Variants in ARHGAP6 observed in about 807,000 individuals in gnomAD.
ARHGAP6 encodes rho GTPase-activating protein 6.
In ARHGAP6, 16 loss-of-function variants were observed where a neutral mutation model predicts 55.7. The ratio of observed to expected loss-of-function variants is 0.29; its 90% CI spans 0.19 to 0.44. ARHGAP6 has a LOEUF of 0.44. ARHGAP6 is among the 20% of genes least tolerant of loss of function. The pLI, the probability that ARHGAP6 is intolerant of heterozygous loss-of-function variation, is 1.00. For missense variants in ARHGAP6, 698 were observed against 808.9 expected, an observed-to-expected ratio of 0.86 and a Z score of 1.66; for synonymous variants, 382 against 360.9, an observed-to-expected ratio of 1.06 and a Z score of -0.66.
intron 1 of ARHGAP6, among the ~76,000 whole-genome samples, chrX:11,496,572 T>C (rs2050624548): frequency 9.0e-6 from 1 of 110,521 alleles, no homozygotes; most frequent in Middle Eastern, 4.7e-3. Context: ...TATTTTGAAC[T>C]AGAAAAAAAA....
chrX:11,457,833 A>G (rs749399387), intron 1 of ARHGAP6, among the ~76,000 whole-genome samples: 1 of 111,827 alleles, frequency 8.9e-6, no homozygotes, highest in East Asian at 2.8e-4. Flanking sequence ...ATTTAGCCCC[A>G]CTTTCCCACA....
chrX:11,222,444 C>T (rs1357830367), intron 2 of ARHGAP6, among the ~76,000 whole-genome samples: 1 of 111,572 alleles, frequency 9.0e-6, no homozygotes, highest in African/African-American at 3.3e-5. Context: ...TATTATGGTG[C>T]AGATCTTTTA....
intron 1 of ARHGAP6, among the ~76,000 whole-genome samples, chrX:11,310,344 T>C (rs1222494784): frequency 3.6e-5 from 4 of 110,334 alleles, no homozygotes; most frequent in Admixed American, 9.7e-5. Context: ...CCAAGAAATA[T>C]GGACATGAAA....
rs148259441 is a variant in ARHGAP6, at chrX:11,298,627, C to T, written c.589-43920G>A. 8.8e-5 allele frequency: 106 copies of T among 1,208,321 alleles called. No individual in the cohort carries two copies. The highest frequency in any genetic ancestry group is 1.6e-4 in the African/African-American group (9 of 56,520). ...CCCGTGCTGTCCCAACAGCACCCCC[C>T]GACTCACACCCTGCAGCCTCATCAC... On this transcript the variant is annotated intron_variant, in intron 1 of 12. Coordinates refer to ENST00000337414, the MANE Select transcript of ARHGAP6 (RefSeq NM_013427.3).
intron 1 of ARHGAP6, among the ~76,000 whole-genome samples, chrX:11,584,081 G>T (rs2051697359): frequency 8.9e-6 from 1 of 111,866 alleles, no homozygotes; most frequent in South Asian, 3.7e-4. Flanking sequence ...AATCCAACTT[G>T]TCAATTTAAA....
intron 1 of ARHGAP6, among the ~76,000 whole-genome samples, chrX:11,549,515 T>C (rs1337538046): frequency 1.8e-5 from 2 of 112,159 alleles, no homozygotes; most frequent in African/African-American, 6.5e-5. Context: ...GTGAATCTAA[T>C]ATGCAGCCAA....
chrX:11,406,930 G>C (rs1465096174), intron 1 of ARHGAP6, among the ~76,000 whole-genome samples: 1 of 108,966 alleles, frequency 9.2e-6, no homozygotes, highest in African/African-American at 3.4e-5. Flanking sequence ...CAGTGGAATA[G>C]ACCATGCATG....
chrX:11,579,318 T>A (rs893934390), intron 1 of ARHGAP6, among the ~76,000 whole-genome samples: 3 of 111,983 alleles, frequency 2.7e-5, no homozygotes, highest in Admixed American at 1.9e-4. Context: ...ACTTGCCTTC[T>A]GAGCTAAGAA....
chrX:11,584,192 A>T (rs1406267993), intron 1 of ARHGAP6, among the ~76,000 whole-genome samples: 1 of 112,203 alleles, frequency 8.9e-6, no homozygotes, highest in Non-Finnish European at 1.9e-5. Context: ...AATTGAGAAC[A>T]TATAGGAAAA....
intron 1 of ARHGAP6, among the ~76,000 whole-genome samples, chrX:11,410,941 A>T (rs1233737287): frequency 9.3e-6 from 1 of 108,047 alleles, no homozygotes; most frequent in East Asian, 3.0e-4. Flanking sequence ...GGGTGTTACC[A>T]CTGTGCTAGA....
At chrX:11,525,383 GC>G (rs1241061093) in intron 1 of ARHGAP6, among the ~76,000 whole-genome samples, 1 of 112,036 alleles carries the variant, frequency 8.9e-6, no homozygotes, top group Non-Finnish European at 1.9e-5. Context: ...GTTGAAGTCT[GC>G]CCATAATCTA....
chrX:11,299,021 G>A, intron 1 of ARHGAP6: 1 of 1,179,516 alleles, frequency 8.5e-7, no homozygotes, highest in Non-Finnish European at 1.1e-6. Context: ...TGAAAATGGT[G>A]CAGCAAAATA....
chrX:11,572,955 T>C (rs1452151467), intron 1 of ARHGAP6, among the ~76,000 whole-genome samples: 6 of 112,555 alleles, frequency 5.3e-5, no homozygotes, highest in Non-Finnish European at 7.5e-5. Flanking sequence ...ATACGCATTT[T>C]TTCATGTGTC....
At chrX:11,608,510 G>A (rs2052062042) in intron 1 of ARHGAP6, among the ~76,000 whole-genome samples, 1 of 110,817 alleles carries the variant, frequency 9.0e-6, no homozygotes, top group African/African-American at 3.3e-5. Flanking sequence ...AAGAAACCCA[G>A]ACTTTGAAGC....
At chrX:11,253,042 T>C (rs754940360) in intron 2 of ARHGAP6, among the ~76,000 whole-genome samples, 7 of 111,648 alleles carry the variant, frequency 6.3e-5, no homozygotes, top group Non-Finnish European at 1.3e-4. Context: ...GCACTGTGGG[T>C]GACAGAATGT....
intron 1 of ARHGAP6, among the ~76,000 whole-genome samples, chrX:11,444,849 G>C (rs2050076790): frequency 8.9e-6 from 1 of 112,281 alleles, no homozygotes; most frequent in East Asian, 2.8e-4. Context: ...GTCTACATGT[G>C]ACAGGATTTA....
intron 1 of ARHGAP6, among the ~76,000 whole-genome samples, chrX:11,579,577 C>T (rs961070755): frequency 4.5e-5 from 5 of 112,031 alleles, no homozygotes; most frequent in African/African-American, 1.6e-4. Context: ...TTCCCATAGT[C>T]CTTCTTACCT....
At chrX:11,233,577 A>G (rs1362415354) in intron 2 of ARHGAP6, among the ~76,000 whole-genome samples, 3 of 112,219 alleles carry the variant, frequency 2.7e-5, no homozygotes, top group Non-Finnish European at 5.6e-5. Flanking sequence ...GTTGAGAGTG[A>G]AGAAAATTAA....
At chrX:11,222,393 A>G (rs1282520790) in intron 2 of ARHGAP6, among the ~76,000 whole-genome samples, 2 of 111,931 alleles carry the variant, frequency 1.8e-5, no homozygotes, top group Non-Finnish European at 1.9e-5. Flanking sequence ...TGCCTAATAC[A>G]TCGACCACTA....
Sources: allele counts gnomAD v4.1 joint callset (sites outside exome capture counted in the v4.1 genomes callset), GRCh38; gene constraint gnomAD v4.1.1; transcripts MANE v1.5; gene names NCBI Gene and HGNC (gene_info 2026-07-23, HGNC 2026-07-21).